SLC25A48: variants seen among roughly 807,000 people sequenced by gnomAD.
SLC25A48 encodes CTC-321K16.1.
SLC25A48 carries 29 observed loss-of-function variants against 32.2 expected under a neutral mutation model. The ratio of observed to expected loss-of-function variants is 0.90; its 90% CI spans 0.67 to 1.23. The LOEUF (loss-of-function observed/expected upper bound fraction) is 1.23. Ranked by LOEUF, SLC25A48 falls within the 50% of genes most tolerant of loss-of-function variation. The probability of loss-of-function intolerance (pLI) is 0.00; values close to 1 mark genes in which losing one functional copy is unlikely to be tolerated. For synonymous variants in SLC25A48, 164 were observed against 172.3 expected, an observed-to-expected ratio of 0.95 and a Z score of 0.38; for missense variants, 399 against 422.7, an observed-to-expected ratio of 0.94 and a Z score of 0.49.
chr5:135,711,441 G>A (rs1216497831), intron 3 of SLC25A48, among the ~76,000 whole-genome samples: 2 of 152,138 alleles, frequency 1.3e-5, no homozygotes, highest in African/African-American at 4.8e-5. Flanking sequence ...CAGCCTCTGG[G>A]AGAAGAATTA....
chr5:135,817,500 T>A (rs559728432), intron 4 of SLC25A48, among the ~76,000 whole-genome samples: 34 of 152,262 alleles, frequency 2.2e-4, no homozygotes, highest in African/African-American at 7.0e-4. Context: ...TATAGATAAA[T>A]CTTGCTCCCA....
chr5:135,646,659 T>TTATGTATATATATATATATATATATATA (rs1752965991), intron 3 of SLC25A48, among the ~76,000 whole-genome samples: 1 of 125,400 alleles, frequency 8.0e-6, no homozygotes, highest in Non-Finnish European at 1.7e-5. Flanking sequence ...TAATTTCCCA[T>TTATGTATATATATATATATATATATATA]TATATATATA....
chr5:135,707,884 G>A (rs895761426), intron 3 of SLC25A48, among the ~76,000 whole-genome samples: 5 of 152,208 alleles, frequency 3.3e-5, no homozygotes, highest in African/African-American at 1.2e-4. Flanking sequence ...TGCCTGGCAT[G>A]GAGTAGGCTT....
chr5:135,747,929 G>A (rs1755677863), intron 3 of SLC25A48, among the ~76,000 whole-genome samples: 1 of 152,288 alleles, frequency 6.6e-6, no homozygotes, highest in African/African-American at 2.4e-5. Flanking sequence ...TGGTGGCAGG[G>A]GAACCATGGT....
At chr5:135,746,535 G>T (rs550089910) in intron 3 of SLC25A48, among the ~76,000 whole-genome samples, 36 of 152,274 alleles carry the variant, frequency 2.4e-4, no homozygotes, top group African/African-American at 7.5e-4. Flanking sequence ...CGATTCTCCG[G>T]TGCAAAATAA....
chr5:135,597,269 G>C (rs1257578243), intron 1 of SLC25A48, among the ~76,000 whole-genome samples: 3 of 152,194 alleles, frequency 2.0e-5, no homozygotes, highest in Non-Finnish European at 4.4e-5. Flanking sequence ...AGCAAGAAGG[G>C]ATTGGATACA....
At chr5:135,785,215 C>T (rs1005023429) in intron 3 of SLC25A48, among the ~76,000 whole-genome samples, 2 of 152,096 alleles carry the variant, frequency 1.3e-5, no homozygotes, top group Admixed American at 1.3e-4. Context: ...TGTGTGTTCA[C>T]CCCCCTTGTC....
intron 1 of SLC25A48, among the ~76,000 whole-genome samples, chr5:135,589,955 C>G (rs1272674689): frequency 6.6e-6 from 1 of 152,218 alleles, no homozygotes; most frequent in African/African-American, 2.4e-5. Flanking sequence ...CTCAGCCTCC[C>G]AAAGTGCTGG....
At chr5:135,595,334 C>A (rs1751623413) in intron 1 of SLC25A48, among the ~76,000 whole-genome samples, 1 of 152,166 alleles carries the variant, frequency 6.6e-6, no homozygotes, top group Non-Finnish European at 1.5e-5. Context: ...CATGGTGATT[C>A]CACCCAACCT....
chr5:135,626,870 G>A (rs566102492), intron 1 of SLC25A48, among the ~76,000 whole-genome samples: 1 of 152,258 alleles, frequency 6.6e-6, no homozygotes, highest in East Asian at 1.9e-4. Context: ...AGATTGTCCA[G>A]GCCAGACCTT....
intron 4 of SLC25A48, among the ~76,000 whole-genome samples, chr5:135,821,315 C>T (rs1757880797): frequency 6.6e-6 from 1 of 152,156 alleles, no homozygotes; most frequent in African/African-American, 2.4e-5. Flanking sequence ...TGTCTTGTGT[C>T]CTGCCAGCAA....
chr5:135,658,623 C>T (rs1230493526), intron 3 of SLC25A48, among the ~76,000 whole-genome samples: 3 of 152,224 alleles, frequency 2.0e-5, no homozygotes. Context: ...CATGTCTCCT[C>T]TGCACTGCCC....
intron 3 of SLC25A48, among the ~76,000 whole-genome samples, chr5:135,779,521 C>CACACGCACTCT (rs1425596801): frequency 5.8e-5 from 7 of 120,556 alleles, no homozygotes; most frequent in Non-Finnish European, 1.4e-4. Context: ...AGGGGGTGTA[C>CACACGCACTCT]ATGCCCCCCT....
At chr5:135,763,450 G>C (rs1000870592) in intron 3 of SLC25A48, among the ~76,000 whole-genome samples, 37 of 152,062 alleles carry the variant, frequency 2.4e-4, no homozygotes, top group African/African-American at 8.7e-4. Context: ...CCTCCAGCCA[G>C]CCCAGGAGCA....
At chr5:135,684,412 C>T (rs1753970387) in intron 3 of SLC25A48, among the ~76,000 whole-genome samples, 1 of 152,048 alleles carries the variant, frequency 6.6e-6, no homozygotes, top group Non-Finnish European at 1.5e-5. Context: ...CCTTTGGGAT[C>T]AACATCTGCA....
chr5:135,598,936 G>C (rs555495440), intron 1 of SLC25A48, among the ~76,000 whole-genome samples: 3 of 152,332 alleles, frequency 2.0e-5, no homozygotes, highest in African/African-American at 7.2e-5. Context: ...CAAAAGTAGA[G>C]GGGAGTGCAG....
intron 3 of SLC25A48, among the ~76,000 whole-genome samples, chr5:135,636,476 T>G (rs1752709406): frequency 6.6e-6 from 1 of 152,224 alleles, no homozygotes; most frequent in African/African-American, 2.4e-5. Flanking sequence ...TGCTACAATG[T>G]TTGTGGTTTG....
At chr5:135,594,931 G>A (rs898871518) in intron 1 of SLC25A48, among the ~76,000 whole-genome samples, 17 of 152,188 alleles carry the variant, frequency 1.1e-4, no homozygotes, top group African/African-American at 4.1e-4. Context: ...AAACTGAGGT[G>A]CAGTGAGGGA....
chr5:135,640,076 AAAAAC>A (rs1752796901), intron 3 of SLC25A48, among the ~76,000 whole-genome samples: 1 of 152,230 alleles, frequency 6.6e-6, no homozygotes, highest in African/African-American at 2.4e-5. Context: ...TGAAAACTGT[AAAAAC>A]AAACCAAATG....
Sources: gnomAD v4.1 joint callset for allele counts (sites outside exome capture counted in the v4.1 genomes callset) on GRCh38, gnomAD v4.1.1 for gene constraint, MANE v1.5 for transcripts, NCBI Gene and HGNC (gene_info 2026-07-23, HGNC 2026-07-21) for gene names.